NUP93: variants seen among roughly 807,000 people sequenced by gnomAD.
NUP93 encodes the protein nucleoporin 93, also known as nuclear pore complex protein Nup93.
A neutral mutation model predicts 107.8 loss-of-function variants in NUP93; 55 were observed. That is an observed-to-expected ratio of 0.51 (90% CI 0.41 to 0.64). The LOEUF is 0.64. Among genes scored for constraint, NUP93 ranks in the 30% least tolerant of loss-of-function variants. The probability of loss-of-function intolerance (pLI) is 0.00; values close to 1 mark genes in which losing one functional copy is unlikely to be tolerated. For synonymous variants in NUP93, 390 were observed against 397.5 expected (o/e 0.98, Z 0.22); for missense variants, 937 against 1,044.7 (o/e 0.90, Z 1.42).
chr16:56,772,218 T>A (rs1202877245), intron 3 of NUP93, among the ~76,000 whole-genome samples: 1 of 152,046 alleles, frequency 6.6e-6, no homozygotes, highest in African/African-American at 2.4e-5. Context: ...CATGGTTGGG[T>A]AGAATTTTTT....
intron 3 of NUP93, among the ~76,000 whole-genome samples, chr16:56,796,065 C>G (rs1240093177): frequency 6.6e-6 from 1 of 152,118 alleles, no homozygotes; most frequent in Admixed American, 6.5e-5. Context: ...TAGGCCAATA[C>G]GTAAGGAATC....
At chr16:56,832,210 G>T in intron 11 of NUP93, 85 bp from the exon 12 acceptor site, 2 of 1,289,596 alleles carry the variant, frequency 1.6e-6, no homozygotes, top group Admixed American at 1.7e-5. Context: ...ACATCATTGA[G>T]CATGGCTGCT....
At chr16:56,795,853 G>A (rs973492890) in intron 3 of NUP93, among the ~76,000 whole-genome samples, 33 of 152,008 alleles carry the variant, frequency 2.2e-4, no homozygotes, top group African/African-American at 8.0e-4. Flanking sequence ...CACCATGTTG[G>A]CCAGGATGGT....
At chr16:56,794,086 G>GATAGA (rs1962831669) in intron 3 of NUP93, among the ~76,000 whole-genome samples, 2 of 135,634 alleles carry the variant, frequency 1.5e-5, no homozygotes, top group Admixed American at 8.0e-5. Flanking sequence ...AGGTAGGTAG[G>GATAGA]TAGGTAGATA....
chr16:56,821,668 T>C (rs1963547293), intron 7 of NUP93, 75 bp downstream of exon 7: 1 of 887,706 alleles, frequency 1.1e-6, no homozygotes, highest in Non-Finnish European at 1.9e-6. Context: ...CCGATTTGGT[T>C]GAAATGTGCT....
chr16:56,841,771 C>G lies in NUP93; in HGVS notation c.2287C>G (p.Leu763Val). ...CATCTTGTTCACACAGTTTAAGAGGCTCAAGGGGACAAGTCCATCCTCGTC... is the reference window on the plus strand; with the variant it reads ...CATCTTGTTCACACAGTTTAAGAGGGTCAAGGGGACAAGTCCATCCTCGTC... ...MNILFTQFKR[L>V]KGTSPSSSSR... The change falls in exon 21 of 22, where the codon CTC becomes GTC. Residue 763 changes from leucine (L) to valine (V), a missense_variant. Leu to Val is a conservative substitution (Grantham distance 32). Coordinates refer to ENST00000308159, the MANE Select transcript of NUP93 (RefSeq NM_014669.5). 1 of 1,614,212 alleles carries G rather than the reference C, an allele frequency of 6.2e-7. No individual in the cohort carries two copies. The highest frequency in any genetic ancestry group is 8.5e-7 in the Non-Finnish European group (1 of 1,180,022).
intron 1 of NUP93, among the ~76,000 whole-genome samples, chr16:56,730,989 A>T (rs1961525102): frequency 6.6e-6 from 1 of 151,884 alleles, no homozygotes; most frequent in African/African-American, 2.4e-5. Flanking sequence ...ACCTTTTTGT[A>T]TTCTTTCCAG....
intron 3 of NUP93, among the ~76,000 whole-genome samples, chr16:56,780,850 C>G (rs1034423129): frequency 1.3e-5 from 2 of 152,068 alleles, no homozygotes; most frequent in Non-Finnish European, 2.9e-5. Flanking sequence ...TTCTATTTTC[C>G]TTTTGCAGTC....
chr16:56,759,251 C>T (rs1446074764), intron 3 of NUP93, among the ~76,000 whole-genome samples: 1 of 152,196 alleles, frequency 6.6e-6, no homozygotes, highest in Non-Finnish European at 1.5e-5. Context: ...AAAAAACTCA[C>T]GGTCTGTTTA....
intron 21 of NUP93, 60 bp downstream of exon 21, chr16:56,841,893 G>C: frequency 6.3e-7 from 1 of 1,597,708 alleles, no homozygotes; most frequent in Non-Finnish European, 8.5e-7. Flanking sequence ...TTTGGAATCC[G>C]TTGCGCTCTT....
At chr16:56,793,069 G>A (rs1301354260) in intron 3 of NUP93, among the ~76,000 whole-genome samples, 2 of 152,198 alleles carry the variant, frequency 1.3e-5, no homozygotes, top group Admixed American at 6.5e-5. Context: ...TAAAGGATTA[G>A]CAATAATGTC....
At chr16:56,832,644 C>T (rs1222256187) in intron 12 of NUP93, among the ~76,000 whole-genome samples, 1 of 152,206 alleles carries the variant, frequency 6.6e-6, no homozygotes, top group Non-Finnish European at 1.5e-5. Context: ...TTCTAGTAGA[C>T]ATATGCTCAG....
chr16:56,815,872 C>T (rs543980170), intron 5 of NUP93, among the ~76,000 whole-genome samples: 53 of 141,856 alleles, frequency 3.7e-4, no homozygotes, highest in African/African-American at 1.5e-3. Context: ...GCTACTGCTG[C>T]TGCTGCTGCT....
chr16:56,815,427 G>T (rs1453448524), intron 5 of NUP93, among the ~76,000 whole-genome samples: 4 of 151,694 alleles, frequency 2.6e-5, no homozygotes, highest in Non-Finnish European at 5.9e-5. Flanking sequence ...CTGGCTGGGG[G>T]GCTTGGTGGG....
chr16:56,740,272 G>C (rs1331925985), intron 1 of NUP93, among the ~76,000 whole-genome samples: 579 of 147,510 alleles, frequency 3.9e-3, no homozygotes, highest in African/African-American at 0.014. Context: ...TCTCAGACGG[G>C]GTGGTTGCCG....
intron 3 of NUP93, among the ~76,000 whole-genome samples, chr16:56,793,007 G>A (rs1032338509): frequency 6.6e-6 from 1 of 152,218 alleles, no homozygotes; most frequent in African/African-American, 2.4e-5. Context: ...AAATGGGGCA[G>A]GGGATGGGGA....
intron 3 of NUP93, among the ~76,000 whole-genome samples, chr16:56,787,589 A>G (rs768488123): frequency 7.9e-5 from 12 of 152,150 alleles, no homozygotes; most frequent in Non-Finnish European, 1.3e-4. Flanking sequence ...AGGGAAAAAG[A>G]CACTAGATAT....
Position 56,830,099 on chromosome 16 carries a change from C to T in NUP93, c.928-429C>T, listed in dbSNP as rs1156704251. 2.0e-5 allele frequency among the ~76,000 whole-genome samples: 3 copies of T among 152,172 alleles called. No homozygotes were observed. In the East Asian group the frequency reaches 5.8e-4, roughly 29 times the overall value. On this transcript the variant is annotated intron_variant, in intron 9 of 21. Coordinates refer to ENST00000308159, the MANE Select transcript of NUP93 (RefSeq NM_014669.5). The stretch of plus-strand genomic sequence containing the variant: ...TAAAATGTTTATGACGTTTTATAAA[C>T]TTGAGTGCTATAAGGATAGTCTCTT...
rs1964115829 is a variant in NUP93 at position 56,846,261 on chromosome 16, A to C, written c.*1652A>C. ...CCCCGTCTATACTAAAAATACAAAAATTAGCCGGGCATGGTGGCAGGCACC... is the reference window on the plus strand; with the variant it reads ...CCCCGTCTATACTAAAAATACAAAACTTAGCCGGGCATGGTGGCAGGCACC... On this transcript the variant is annotated 3_prime_UTR_variant, in exon 22 of 22. Coordinates refer to ENST00000308159, the MANE Select transcript of NUP93 (RefSeq NM_014669.5). The C allele has an allele frequency of 6.6e-6, 1 of 151,994 alleles. No individual in the cohort carries two copies. Among genetic ancestry groups the C allele is most frequent in the Non-Finnish European group, 1.5e-5 (1 of 68,048 alleles). The allele number at this position is 151,994 out of a possible 1,614,324, so 9.4% of individuals were successfully genotyped here.
Sources: gnomAD v4.1 joint callset for allele counts (sites outside exome capture counted in the v4.1 genomes callset) on GRCh38, gnomAD v4.1.1 for gene constraint, MANE v1.5 for transcripts, NCBI Gene and HGNC (gene_info 2026-07-23, HGNC 2026-07-21) for gene names.